TRAK1: variants seen among roughly 807,000 people sequenced by gnomAD.
The protein encoded by TRAK1 is trafficking kinesin protein 1.
Under a neutral mutation model 92.1 loss-of-function variants are expected in TRAK1, and 33 were observed. The observed-to-expected ratio is 0.36, with a 90% CI of 0.27 to 0.48. The LOEUF is 0.48. Ranked by LOEUF, TRAK1 falls within the 20% of genes least tolerant of loss-of-function variation. TRAK1 has a pLI of 0.99. For synonymous variants in TRAK1, 521 were observed against 517.3 expected, an observed-to-expected ratio of 1.01 and a Z score of -0.10; for missense variants, 1,123 against 1,257.9, an observed-to-expected ratio of 0.89 and a Z score of 1.62.
intron 1 of TRAK1, among the ~76,000 whole-genome samples, chr3:42,042,345 T>A (rs1010208822): frequency 2.0e-5 from 3 of 152,158 alleles, no homozygotes; most frequent in African/African-American, 7.2e-5. Context: ...TGGTATATCA[T>A]AAATGATTTT....
At chr3:42,152,436 C>T (rs1440348918) in intron 2 of TRAK1, among the ~76,000 whole-genome samples, 1 of 152,240 alleles carries the variant, frequency 6.6e-6, no homozygotes, top group African/African-American at 2.4e-5. Flanking sequence ...CGATTGGATG[C>T]ATCCCATCTC....
intron 1 of TRAK1, among the ~76,000 whole-genome samples, chr3:42,027,998 A>T (rs9834311): frequency 0.011 from 1,708 of 152,136 alleles, 15 homozygotes; most frequent in Non-Finnish European, 0.016. Context: ...TATAGGCGCC[A>T]GCTATCATGC....
At chr3:42,199,919 A>C (rs562517741) in intron 11 of TRAK1, among the ~76,000 whole-genome samples, 9 of 152,264 alleles carry the variant, frequency 5.9e-5, no homozygotes, top group Admixed American at 2.6e-4. Flanking sequence ...AACATTTAAA[A>C]AATTTAAAAT....
chr3:42,131,071 A>G (rs1697133931), intron 2 of TRAK1, among the ~76,000 whole-genome samples: 1 of 152,102 alleles, frequency 6.6e-6, no homozygotes, highest in Non-Finnish European at 1.5e-5. Context: ...AACGAACCTC[A>G]TGTTTTTTAC....
intron 1 of TRAK1, among the ~76,000 whole-genome samples, chr3:42,117,148 T>TG (rs772198131): frequency 6.6e-6 from 1 of 152,132 alleles, no homozygotes; most frequent in Non-Finnish European, 1.5e-5. Context: ...GTGCAACTCT[T>TG]GCTCTCACCG....
intron 1 of TRAK1, among the ~76,000 whole-genome samples, chr3:42,104,398 C>G (rs1707232805): frequency 6.6e-6 from 1 of 152,070 alleles, no homozygotes. Context: ...ACTGCTTCCT[C>G]AAGTGGGTCC....
chr3:42,215,016 A>G (rs1259149181), intron 14 of TRAK1, among the ~76,000 whole-genome samples: 2 of 152,228 alleles, frequency 1.3e-5, no homozygotes, highest in Non-Finnish European at 2.9e-5. Flanking sequence ...ACCTCCAGAG[A>G]AAACACTTGT....
At chr3:42,143,320 T>TTC (rs1410023519) in intron 2 of TRAK1, among the ~76,000 whole-genome samples, 2 of 151,996 alleles carry the variant, frequency 1.3e-5, no homozygotes, top group Admixed American at 1.3e-4. Context: ...TTTTTTTTTT[T>TTC]TTCTTTCAAA....
At chr3:42,013,459 G>A (rs1701385775), upstream of TRAK1, among the ~76,000 whole-genome samples, 5 of 152,092 alleles carry the variant, frequency 3.3e-5, no homozygotes, top group African/African-American at 1.2e-4. The surrounding 1 kb of genome is among the most constrained non-coding windows in gnomAD (Gnocchi z 5.1). Flanking sequence ...GTGGGTAAAA[G>A]TGCAGGGGCA....
At chr3:42,028,880 G>T (rs768647369) in intron 1 of TRAK1, among the ~76,000 whole-genome samples, 3 of 152,074 alleles carry the variant, frequency 2.0e-5, no homozygotes, top group Non-Finnish European at 2.9e-5. Context: ...TTTATGAGAC[G>T]GTATGTTAGT....
chr3:42,121,548 T>C (rs545190592), intron 1 of TRAK1, among the ~76,000 whole-genome samples: 104 of 152,188 alleles, frequency 6.8e-4, no homozygotes, highest in African/African-American at 2.4e-3. Context: ...CGTGAGCCAC[T>C]GCGCCTGGCC....
intron 9 of TRAK1, 65 bp from the exon 10 acceptor site, chr3:42,194,739 G>C: frequency 6.4e-7 from 1 of 1,574,482 alleles, no homozygotes; most frequent in South Asian, 1.2e-5. Context: ...GCCTTCGGAT[G>C]GGCAGATGTG....
At chr3:42,175,936 A>G (rs940005983) in intron 2 of TRAK1, among the ~76,000 whole-genome samples, 2 of 152,196 alleles carry the variant, frequency 1.3e-5, no homozygotes, top group African/African-American at 2.4e-5. Flanking sequence ...CCATAAATCC[A>G]TTTATATTCA....
At position 42,223,586 on chromosome 3, in the gene TRAK1, C is replaced by T; in HGVS notation, c.2711C>T (p.Ala904Val). ...LPLRCPTVTS[A>V]IGGLQLNSGI... is the part of the protein sequence containing the mutation. ...CTCAGATGCCCCACTGTCACCAGTG[C>T]CATCGGTGGGCTGCAGCTCAATAGT... The change falls in exon 16 of 16, where the codon GCC becomes GTC. Residue 904 changes from alanine (A) to valine (V), a missense_variant. Transcript: ENST00000327628. The surrounding 1 kb of genome is among the most constrained non-coding windows in gnomAD (Gnocchi z 6.1). 6.2e-7 allele frequency: 1 copy of T among 1,614,000 alleles called. No homozygotes were observed. The highest frequency in any genetic ancestry group is 8.5e-7 in the Non-Finnish European group (1 of 1,180,022).
chr3:42,073,790 C>T (rs1005534797), intron 1 of TRAK1, among the ~76,000 whole-genome samples: 2 of 152,142 alleles, frequency 1.3e-5, no homozygotes, highest in South Asian at 4.1e-4. Flanking sequence ...GACTGATGGG[C>T]GTGCCAGAAA....
upstream of TRAK1, among the ~76,000 whole-genome samples, chr3:42,088,838 G>A (rs549299819): frequency 1.3e-4 from 20 of 152,290 alleles, no homozygotes; most frequent in African/African-American, 4.8e-4. Context: ...CTTCTCCCAA[G>A]CCTGGGAACG....
chr3:42,188,218 CT>C (rs1400998347), intron 5 of TRAK1, 73 bp downstream of exon 5: 6 of 1,423,450 alleles, frequency 4.2e-6, no homozygotes, highest in Non-Finnish European at 5.0e-6. Flanking sequence ...TTGGAGTCAC[CT>C]AGACAGGGTC....
intron 14 of TRAK1, chr3:42,217,351 T>C: frequency 4.1e-6 from 4 of 985,422 alleles, no homozygotes; most frequent in Non-Finnish European, 4.8e-6. Context: ...GCTTTAGCAC[T>C]TTGGAAACTT....
intron 11 of TRAK1, 82 bp from the exon 12 acceptor site, chr3:42,200,736 C>T (rs1193930659): frequency 1.2e-5 from 17 of 1,445,892 alleles, no homozygotes; most frequent in South Asian, 2.3e-5. Context: ...GCCCTTTTGG[C>T]TCAGTTGATC....
Sources: allele counts gnomAD v4.1 joint callset (sites outside exome capture counted in the v4.1 genomes callset), GRCh38; gene constraint gnomAD v4.1.1; non-coding constraint Gnocchi (gnomAD v3.1); transcripts MANE v1.5; gene names NCBI Gene and HGNC (gene_info 2026-07-23, HGNC 2026-07-21).